Variants in LPP observed in about 807,000 individuals in gnomAD.
LPP encodes lipoma-preferred partner.
In LPP, 38 loss-of-function variants were observed where a neutral mutation model predicts 60.4. That is an observed-to-expected ratio of 0.63 (90% confidence interval 0.49 to 0.83). The LOEUF (loss-of-function observed/expected upper bound fraction) is 0.83, where lower values mean the gene tolerates loss of function less well. Ranked by LOEUF, LPP falls within the 40% of genes least tolerant of loss-of-function variation. The pLI, the probability that LPP is intolerant of heterozygous loss-of-function variation, is 0.00. For missense variants in LPP, 902 were observed against 783.6 expected (o/e 1.15, Z -1.80); for synonymous variants, 328 against 290.8 (o/e 1.13, Z -1.30).
intron 3 of LPP, among the ~76,000 whole-genome samples, chr3:188,377,271 A>G (rs1443150753): frequency 6.6e-6 from 1 of 152,166 alleles, no homozygotes; most frequent in Non-Finnish European, 1.5e-5. Context: ...AGATTGGGGA[A>G]GTTCTTCTGG....
At chr3:188,240,287 T>C (rs544586613) in intron 2 of LPP, 3 of 169,164 alleles carry the variant, frequency 1.8e-5, no homozygotes, top group Non-Finnish European at 1.3e-5. Context: ...AGGAATAGCT[T>C]ACAGCTTGCC....
intron 2 of LPP, among the ~76,000 whole-genome samples, chr3:188,329,826 A>G (rs1327411924): frequency 6.6e-6 from 1 of 152,168 alleles, no homozygotes; most frequent in Non-Finnish European, 1.5e-5. Flanking sequence ...ATGGAATTCT[A>G]GCTTTGTGGG....
chr3:188,610,540 A>T lies in LPP; in HGVS notation c.1113+696A>T, dbSNP rs1056393578. 6.6e-6 allele frequency among the ~76,000 whole-genome samples: 1 copy of T among 152,234 alleles called. No individual in the cohort carries two copies. ...TTCATTTTACTAATCCTCCAGAAAG[A>T]ATCTTATTCTTCAGCCTTTAGCACT... On this transcript the variant is annotated intron_variant, in intron 7 of 11. Coordinates refer to ENST00000617246, the MANE Select transcript of LPP (RefSeq NM_001375462.1). The surrounding 1 kb of genome is among the most constrained non-coding windows in gnomAD (Gnocchi z 4.4).
intron 3 of LPP, among the ~76,000 whole-genome samples, chr3:188,379,609 T>A (rs746261135): frequency 3.3e-5 from 5 of 152,190 alleles, no homozygotes; most frequent in Non-Finnish European, 7.3e-5. Flanking sequence ...CAACCACGAA[T>A]CTACTTTATA....
intron 8 of LPP, among the ~76,000 whole-genome samples, chr3:188,730,112 TTAG>T (rs936787854): frequency 2.2e-4 from 33 of 152,326 alleles, no homozygotes; most frequent in African/African-American, 7.7e-4. Context: ...TTCTAAGAAA[TTAG>T]TAGATCTTTA....
intron 4 of LPP, among the ~76,000 whole-genome samples, chr3:188,420,995 T>C (rs1398662701): frequency 6.6e-6 from 1 of 152,152 alleles, no homozygotes; most frequent in African/African-American, 2.4e-5. Context: ...AGGGCATGGG[T>C]TCTTTCTGCT....
intron 9 of LPP, among the ~76,000 whole-genome samples, chr3:188,791,497 A>G (rs1445946612): frequency 6.6e-6 from 1 of 151,590 alleles, no homozygotes; most frequent in Non-Finnish European, 1.5e-5. Flanking sequence ...GTTCTGAATG[A>G]ATAGGCTCCA....
At chr3:188,280,562 TC>T (rs1741598228) in intron 2 of LPP, among the ~76,000 whole-genome samples, 1 of 151,164 alleles carries the variant, frequency 6.6e-6, no homozygotes. Context: ...CCAGTGCCCA[TC>T]CCCCACCCCG....
intron 9 of LPP, among the ~76,000 whole-genome samples, chr3:188,800,723 T>G (rs1014369401): frequency 2.6e-5 from 4 of 152,338 alleles, no homozygotes; most frequent in African/African-American, 9.6e-5. Flanking sequence ...ATGTTCCATC[T>G]TTTAAATTTT....
At chr3:188,794,954 G>A (rs1241417115) in intron 9 of LPP, among the ~76,000 whole-genome samples, 6 of 152,082 alleles carry the variant, frequency 3.9e-5, no homozygotes, top group African/African-American at 9.7e-5. Context: ...TGGCCAACAC[G>A]GTGAAACCCC....
intron 9 of LPP, among the ~76,000 whole-genome samples, chr3:188,792,393 T>A (rs539426280): frequency 9.2e-5 from 14 of 152,292 alleles, no homozygotes; most frequent in African/African-American, 3.4e-4. Flanking sequence ...TGCCTCCTCC[T>A]CAGATTGTGC....
intron 9 of LPP, among the ~76,000 whole-genome samples, chr3:188,800,309 G>A (rs886243580): frequency 4.8e-5 from 7 of 146,546 alleles, no homozygotes; most frequent in African/African-American, 1.0e-4. Flanking sequence ...GCAGTGGCGC[G>A]ATCTCAGCTC....
intron 2 of LPP, among the ~76,000 whole-genome samples, chr3:188,281,601 CAA>C (rs1167297915): frequency 1.2e-4 from 8 of 66,534 alleles, no homozygotes; most frequent in Admixed American, 2.0e-4. Flanking sequence ...AAGACTCTAC[CAA>C]AAAAAAAAAA....
At chr3:188,459,244 G>T (rs1219172425) in intron 4 of LPP, among the ~76,000 whole-genome samples, 1 of 152,108 alleles carries the variant, frequency 6.6e-6, no homozygotes, top group Non-Finnish European at 1.5e-5. Flanking sequence ...ACCAAACATA[G>T]TAGATGTTTC....
chr3:188,620,945 TGAAA>T (rs1845693762), intron 7 of LPP, among the ~76,000 whole-genome samples: 2 of 152,182 alleles, frequency 1.3e-5, no homozygotes, highest in African/African-American at 4.8e-5. Context: ...CATGAATAAA[TGAAA>T]GAGTCAACCA....
intron 4 of LPP, among the ~76,000 whole-genome samples, chr3:188,426,577 G>T (rs916568662): frequency 6.6e-6 from 1 of 152,116 alleles, no homozygotes; most frequent in Non-Finnish European, 1.5e-5. Flanking sequence ...CTATTATTAT[G>T]TAGGAGTCTT....
chr3:188,186,123 T>G (rs748842848), intron 1 of LPP, among the ~76,000 whole-genome samples: 1 of 152,186 alleles, frequency 6.6e-6, no homozygotes, highest in Non-Finnish European at 1.5e-5. Context: ...CTTCTTTAAT[T>G]ACCTCCTTTC....
chr3:188,523,428 G>A (rs948055110), intron 5 of LPP, among the ~76,000 whole-genome samples: 1 of 152,266 alleles, frequency 6.6e-6, no homozygotes, highest in Admixed American at 6.5e-5. Context: ...AGTTAAATAA[G>A]CTCCAAGACT....
intron 4 of LPP, among the ~76,000 whole-genome samples, chr3:188,409,424 G>A (rs1784400036): frequency 6.6e-6 from 1 of 152,180 alleles, no homozygotes; most frequent in Non-Finnish European, 1.5e-5. Context: ...ATGTATCCAT[G>A]TATTTGTTGG....
Sources: gnomAD v4.1 joint callset for allele counts (sites outside exome capture counted in the v4.1 genomes callset) on GRCh38, gnomAD v4.1.1 for gene constraint, Gnocchi (gnomAD v3.1) non-coding constraint, MANE v1.5 for transcripts, NCBI Gene and HGNC (gene_info 2026-07-23, HGNC 2026-07-21) for gene names.